Variants in DPYD observed in about 807,000 individuals in gnomAD.
The protein encoded by DPYD is dihydropyrimidine dehydrogenase.
A neutral mutation model predicts 116.2 loss-of-function variants in DPYD; 109 were observed. That is an observed-to-expected ratio of 0.94 (90% CI 0.80 to 1.10). The LOEUF (loss-of-function observed/expected upper bound fraction) is 1.10. Among genes scored for constraint, DPYD ranks in the 50% least tolerant of loss-of-function variants. The probability of loss-of-function intolerance (pLI) is 0.00; values close to 1 mark genes in which losing one functional copy is unlikely to be tolerated. For missense variants in DPYD, 1,302 were observed against 1,254.5 expected, an observed-to-expected ratio of 1.04 and a Z score of -0.57; for synonymous variants, 440 against 432.0, an observed-to-expected ratio of 1.02 and a Z score of -0.23.
At chr1:97,504,799 G>C (rs1242529963) in intron 13 of DPYD, among the ~76,000 whole-genome samples, 3 of 151,424 alleles carry the variant, frequency 2.0e-5, no homozygotes, top group Non-Finnish European at 4.4e-5. Flanking sequence ...TGGTTGATAA[G>C]AGGAGGGAGG....
chr1:97,130,773 C>G (rs1190072707), intron 20 of DPYD, among the ~76,000 whole-genome samples: 1 of 37,132 alleles, frequency 2.7e-5, no homozygotes, highest in African/African-American at 1.5e-4. Context: ...TCCTTCCTTC[C>G]TTCCTTTCCT....
At chr1:97,649,933 C>A (rs1288081908) in intron 8 of DPYD, among the ~76,000 whole-genome samples, 1 of 152,060 alleles carries the variant, frequency 6.6e-6, no homozygotes, top group Admixed American at 6.6e-5. Context: ...CTTGCTATAG[C>A]CTCTTAAAAG....
chr1:97,141,714 T>A (rs985626955), intron 20 of DPYD, among the ~76,000 whole-genome samples: 2 of 152,178 alleles, frequency 1.3e-5, no homozygotes, highest in Non-Finnish European at 2.9e-5. Context: ...GGTAGGTTCC[T>A]TTTTTAAATG....
intron 2 of DPYD, among the ~76,000 whole-genome samples, chr1:97,847,811 T>C (rs1466124606): frequency 6.6e-6 from 1 of 152,112 alleles, no homozygotes; most frequent in Non-Finnish European, 1.5e-5. Context: ...AAATTAAAAA[T>C]AAGGTTAAAC....
At chr1:97,697,349 T>C (rs553350514) in intron 6 of DPYD, among the ~76,000 whole-genome samples, 1 of 152,196 alleles carries the variant, frequency 6.6e-6, no homozygotes, top group African/African-American at 2.4e-5. Flanking sequence ...AAACTTGACA[T>C]TACCTCTTTA....
intron 19 of DPYD, among the ~76,000 whole-genome samples, chr1:97,214,206 G>C (rs919470272): frequency 1.3e-5 from 2 of 152,064 alleles, no homozygotes; most frequent in Admixed American, 1.3e-4. Flanking sequence ...TTAGCCTTCT[G>C]TATTGCATCC....
In DPYD at chr1:97,078,691, A is replaced by T. The variant is rs1338047342; in HGVS notation, c.*285T>A. The T allele has an allele frequency of 4.9e-5, 20 of 409,390 alleles. No homozygotes were observed. Among genetic ancestry groups the T allele is most frequent in the Non-Finnish European group, 2.7e-5 (6 of 219,872 alleles). 25.4% of individuals were successfully genotyped at this position (409,390 alleles called of 1,614,324 possible). A position where few individuals can be genotyped will look rare whatever the true frequency, so the allele number is the denominator to read the frequency against. On this transcript the variant is annotated 3_prime_UTR_variant, in exon 23 of 23. Transcript: ENST00000370192. ...CACACTAATTGCCACAAAAAAGTTA[A>T]TTTTTCACATAAGACAACTGGCAGT...
At chr1:97,392,416 G>A (rs1358079683) in intron 14 of DPYD, among the ~76,000 whole-genome samples, 2 of 151,548 alleles carry the variant, frequency 1.3e-5, no homozygotes, top group East Asian at 3.9e-4. Flanking sequence ...GGGCAGTGGT[G>A]GGATTATAGC....
chr1:97,676,207 A>G (rs1457557170), intron 8 of DPYD, among the ~76,000 whole-genome samples: 1 of 152,042 alleles, frequency 6.6e-6, no homozygotes, highest in Non-Finnish European at 1.5e-5. Context: ...CTCTCTCAAT[A>G]TCTGTCATCC....
chr1:97,421,481 C>T (rs554564370), intron 14 of DPYD, among the ~76,000 whole-genome samples: 56 of 152,158 alleles, frequency 3.7e-4, no homozygotes, highest in African/African-American at 1.3e-3. Flanking sequence ...AAGTGATTGC[C>T]TAGAAACTTT....
chr1:97,812,368 A>G (rs899778342), intron 3 of DPYD, among the ~76,000 whole-genome samples: 1 of 152,124 alleles, frequency 6.6e-6, no homozygotes, highest in African/African-American at 2.4e-5. Context: ...AGTAACTACA[A>G]TCACTTTCTG....
intron 20 of DPYD, among the ~76,000 whole-genome samples, chr1:97,170,125 A>G (rs905699073): frequency 2.0e-5 from 3 of 152,182 alleles, no homozygotes; most frequent in African/African-American, 7.2e-5. Context: ...CCACATACAG[A>G]TCTAGAATAC....
rs769820114 is a variant in DPYD at position 97,920,886 on chromosome 1, C to T, written c.37G>A (p.Glu13Lys). 134 of 1,592,290 alleles carry T rather than the reference C, an allele frequency of 8.4e-5. 2 individuals carry two copies. The South Asian group carries it at 1.0e-3, about 12-fold the overall frequency. ...PVLSKDSADI[E>K]SILALNPRTQ... ...ACGAGCCGGCGCGAAGTCCGTACCTCGATGTCCGCCGAGTCCTTACTGAGC... is the reference window on the plus strand; with the variant it reads ...ACGAGCCGGCGCGAAGTCCGTACCTTGATGTCCGCCGAGTCCTTACTGAGC... The change falls in exon 1 of 23, where the codon GAG becomes AAG. Residue 13 changes from glutamate to lysine, a missense_variant and splice_region_variant. Physicochemically the swap from Glu to Lys is moderately conservative, Grantham distance 56. Coordinates refer to ENST00000370192, the MANE Select transcript of DPYD (RefSeq NM_000110.4).
chr1:97,913,388 C>T (rs1674061247), intron 1 of DPYD, among the ~76,000 whole-genome samples: 1 of 152,024 alleles, frequency 6.6e-6, no homozygotes, highest in South Asian at 2.1e-4. Context: ...TCACCATTGC[C>T]ATATTTTATT....
At chr1:97,305,169 T>C (rs991936841) in intron 18 of DPYD, 90 bp downstream of exon 18, 2 of 1,592,646 alleles carry the variant, frequency 1.3e-6, no homozygotes, top group South Asian at 1.1e-5. Context: ...GAATTTGGGA[T>C]CATAAAGGGC....
chr1:97,128,775 T>C (rs1287409407), intron 20 of DPYD, among the ~76,000 whole-genome samples: 1 of 152,170 alleles, frequency 6.6e-6, no homozygotes, highest in African/African-American at 2.4e-5. Flanking sequence ...TTTGATGCTA[T>C]TAGGGTATTT....
intron 3 of DPYD, among the ~76,000 whole-genome samples, chr1:97,751,899 A>C (rs1664950063): frequency 6.6e-6 from 1 of 151,740 alleles, no homozygotes; most frequent in Non-Finnish European, 1.5e-5. Context: ...AGTAGCTGAG[A>C]TCACAGGCCT....
intron 12 of DPYD, among the ~76,000 whole-genome samples, chr1:97,542,787 G>T (rs1650550790): frequency 6.8e-6 from 1 of 148,142 alleles, no homozygotes; most frequent in Non-Finnish European, 1.5e-5. Flanking sequence ...TGCATCTTTT[G>T]AATGAATGAA....
chr1:97,733,008 A>C (rs937871789), intron 4 of DPYD, among the ~76,000 whole-genome samples: 3 of 152,136 alleles, frequency 2.0e-5, no homozygotes, highest in Admixed American at 6.5e-5. Context: ...AAGAAATTAA[A>C]ACAGCTTGGT....
Sources: gnomAD v4.1 joint callset for allele counts (sites outside exome capture counted in the v4.1 genomes callset) on GRCh38, gnomAD v4.1.1 for gene constraint, MANE v1.5 for transcripts, NCBI Gene and HGNC (gene_info 2026-07-23, HGNC 2026-07-21) for gene names.